The following AXDND1 variants were observed in gnomAD, a reference collection of about 807,000 sequenced individuals.
AXDND1 encodes axonemal dynein light chain domain containing 1, also known as axonemal dynein light chain domain-containing protein 1.
AXDND1 carries 110 observed loss-of-function variants against 137.5 expected under a neutral mutation model. The observed-to-expected ratio is 0.80, with a 90% CI of 0.69 to 0.94. AXDND1 has a LOEUF of 0.94. AXDND1 is among the 40% of genes least tolerant of loss of function. The pLI is 0.00. For synonymous variants in AXDND1, 414 were observed against 399.7 expected (o/e 1.04, Z -0.43); for missense variants, 1,191 against 1,169.8 (o/e 1.02, Z -0.26).
At chr1:179,395,528 G>A (rs976376854) in intron 11 of AXDND1, among the ~76,000 whole-genome samples, 1 of 152,158 alleles carries the variant, frequency 6.6e-6, no homozygotes, top group East Asian at 1.9e-4. Context: ...ACTGTTTGCT[G>A]TGTGACCTTT....
intron 17 of AXDND1, among the ~76,000 whole-genome samples, chr1:179,479,452 G>C (rs1239878137): frequency 2.3e-5 from 3 of 130,484 alleles, no homozygotes; most frequent in African/African-American, 9.0e-5. Flanking sequence ...TCCAGTCTGA[G>C]CAACAAGAGC....
chr1:179,371,701 A>G (rs1305810068), intron 4 of AXDND1, among the ~76,000 whole-genome samples: 1 of 152,172 alleles, frequency 6.6e-6, no homozygotes, highest in Admixed American at 6.5e-5. Flanking sequence ...AAAGGAAGGC[A>G]GTCAAGTGGG....
chr1:179,470,693 T>C (rs1170428748), intron 17 of AXDND1, among the ~76,000 whole-genome samples: 1 of 151,352 alleles, frequency 6.6e-6, no homozygotes, highest in East Asian at 1.9e-4. Flanking sequence ...GATTTCTTAG[T>C]ATTTTCTATA....
chr1:179,544,374 T>C (rs1034879517), intron 25 of AXDND1: 3 of 152,158 alleles, frequency 2.0e-5, no homozygotes, highest in Non-Finnish European at 4.4e-5. Flanking sequence ...AGTTTTTCAA[T>C]TTAAAAGAGA....
chr1:179,407,988 T>C (rs1199446149), intron 11 of AXDND1, among the ~76,000 whole-genome samples: 1 of 152,240 alleles, frequency 6.6e-6, no homozygotes, highest in Non-Finnish European at 1.5e-5. Context: ...ACTAGGTTTT[T>C]TCAAAAGACC....
intron 15 of AXDND1, among the ~76,000 whole-genome samples, chr1:179,439,990 A>C (rs560380457): frequency 6.6e-6 from 1 of 152,298 alleles, no homozygotes; most frequent in South Asian, 2.1e-4. Flanking sequence ...TTTTCGGATA[A>C]ATTTTCCTCT....
chr1:179,553,178 C>T (rs1673570876), intron 25 of AXDND1, among the ~76,000 whole-genome samples: 1 of 152,160 alleles, frequency 6.6e-6, no homozygotes, highest in Non-Finnish European at 1.5e-5. Context: ...TATAAAAATG[C>T]ATATATGGAA....
In AXDND1 at chr1:179,383,571, G is replaced by C. The variant is rs142825659; in HGVS notation, c.741+27G>C. ...TAATTGCAAAGCCGAATGCAACCTG[G>C]TGGCTAAGAGCATGCACTCAGGAGG... On this transcript the variant is annotated intron_variant, in intron 8 of 25. Coordinates refer to ENST00000367618, the MANE Select transcript of AXDND1 (RefSeq NM_144696.6). 8 of 1,561,814 alleles carry C rather than the reference G, an allele frequency of 5.1e-6. No individual in the cohort carries two copies. The African/African-American group carries it at 1.1e-4, about 21-fold the overall frequency.
chr1:179,394,092 CT>C, intron 10 of AXDND1, 49 bp downstream of exon 10: 1 of 1,499,772 alleles, frequency 6.7e-7, no homozygotes, highest in Non-Finnish European at 8.9e-7. Flanking sequence ...AATGTCATGT[CT>C]CTAAAGGGAG....
At chr1:179,498,977 G>T (rs375996558) in intron 20 of AXDND1, among the ~76,000 whole-genome samples, 1 of 152,138 alleles carries the variant, frequency 6.6e-6, no homozygotes, top group Non-Finnish European at 1.5e-5. Flanking sequence ...ATTCACTGTT[G>T]TTGGGAATGT....
intron 16 of AXDND1, chr1:179,447,652 T>A: frequency 7.5e-7 from 1 of 1,327,518 alleles, no homozygotes; most frequent in Non-Finnish European, 1.1e-6. Flanking sequence ...AAGATCTGGT[T>A]TTCCACTGTT....
intron 21 of AXDND1, among the ~76,000 whole-genome samples, chr1:179,513,237 A>G (rs1374935610): frequency 6.6e-6 from 1 of 152,080 alleles, no homozygotes; most frequent in Admixed American, 6.6e-5. Flanking sequence ...AGTTATGTCC[A>G]TTGTATGCTG....
At position 179,529,818 on chromosome 1, in the gene AXDND1, T is replaced by A. The variant is rs185733977; in HGVS notation, c.2715+1387T>A. ...GCTTTGCAAGGCCACTTTTGTTTCCTGGCCAGGCAGCGGCTATTTCAAAAT... is the reference window on the plus strand; with the variant it reads ...GCTTTGCAAGGCCACTTTTGTTTCCAGGCCAGGCAGCGGCTATTTCAAAAT... On this transcript the variant is annotated intron_variant, in intron 23 of 25. Coordinates refer to ENST00000367618, the MANE Select transcript of AXDND1 (RefSeq NM_144696.6). Among the ~76,000 whole-genome samples, 12 of 152,322 alleles carry A rather than the reference T, an allele frequency of 7.9e-5. 1 individual carries two copies. The East Asian group carries it at 2.3e-3, about 29-fold the overall frequency.
intron 4 of AXDND1, among the ~76,000 whole-genome samples, chr1:179,377,005 C>G (rs926416368): frequency 6.6e-6 from 1 of 152,128 alleles, no homozygotes; most frequent in Non-Finnish European, 1.5e-5. Context: ...GATCTCAGCT[C>G]ACTGCAACCT....
chr1:179,399,261 C>A (rs573561914), intron 11 of AXDND1, among the ~76,000 whole-genome samples: 11 of 151,942 alleles, frequency 7.2e-5, no homozygotes, highest in African/African-American at 2.2e-4. Flanking sequence ...TAGAGAATCC[C>A]GAAATAAACC....
chr1:179,485,780 G>A (rs115788658), intron 18 of AXDND1, among the ~76,000 whole-genome samples: 4,579 of 152,118 alleles, frequency 0.03, 255 homozygotes, highest in African/African-American at 0.1. Flanking sequence ...AGAATCTAAG[G>A]ATTACAATAA....
chr1:179,499,546 T>C (rs1273495402), intron 20 of AXDND1, among the ~76,000 whole-genome samples: 1 of 152,112 alleles, frequency 6.6e-6, no homozygotes, highest in Non-Finnish European at 1.5e-5. Flanking sequence ...GATGAAAATA[T>C]TCTAGGAATA....
chr1:179,488,832 T>C lies in AXDND1; in HGVS notation c.2092-2706T>C, dbSNP rs557734477. 7.6e-5 allele frequency among the ~76,000 whole-genome samples: 11 copies of C among 145,694 alleles called. No homozygotes were observed. In the South Asian group the frequency reaches 2.3e-3, roughly 31 times the overall value. On this transcript the variant is annotated intron_variant, in intron 18 of 25. Coordinates refer to ENST00000367618, the MANE Select transcript of AXDND1 (RefSeq NM_144696.6). ...TCACTGCAACCTCTGCCTCCTGGAT[T>C]CAAGTGATTCTCCTGCCTCAGCCTC...
At chr1:179,534,702 T>C (rs1671346385) in intron 24 of AXDND1, 28 bp from the exon 25 acceptor site, 1 of 1,550,788 alleles carries the variant, frequency 6.4e-7, no homozygotes, top group East Asian at 2.3e-5. Context: ...ACCCTTTCTA[T>C]TTTGTTGTGT....
Sources: gnomAD v4.1 joint callset for allele counts (sites outside exome capture counted in the v4.1 genomes callset) on GRCh38, gnomAD v4.1.1 for gene constraint, MANE v1.5 for transcripts, NCBI Gene and HGNC (gene_info 2026-07-23, HGNC 2026-07-21) for gene names.